FGD5: variants seen among roughly 807,000 people sequenced by gnomAD.
FGD5 encodes FYVE, RhoGEF and PH domain containing 5, also known as FYVE, RhoGEF and PH domain-containing protein 5.
Under a neutral mutation model 133.4 loss-of-function variants are expected in FGD5, and 28 were observed. The observed-to-expected ratio is 0.21, with a 90% CI of 0.16 to 0.29. FGD5 has a LOEUF of 0.29. FGD5 is among the 10% of genes least tolerant of loss of function. The pLI is 1.00. For missense variants in FGD5, 1,858 were observed against 1,895.2 expected (o/e 0.98, Z 0.36); for synonymous variants, 810 against 776.5 (o/e 1.04, Z -0.72).
chr3:14,877,699 AG>A (rs2037746875), intron 2 of FGD5, among the ~76,000 whole-genome samples: 1 of 152,192 alleles, frequency 6.6e-6, no homozygotes. Context: ...CTGAGTGCAG[AG>A]GGGCAAGCCC....
rs61757393 is a variant in FGD5 at position 14,898,768 on chromosome 3, G to A, written c.3096G>A (p.Ala1032=). The A allele has an allele frequency of 6.9e-3, 10,977 of 1,587,592 alleles. 85 individuals are homozygous for A. Among genetic ancestry groups the A allele is most frequent in the South Asian group, 0.017 (1,478 of 86,688 alleles). Residue 1032 remains alanine (A), a synonymous_variant, in exon 7 of 20, where the codon GCG becomes GCA. Coordinates refer to ENST00000285046, the MANE Select transcript of FGD5 (RefSeq NM_152536.4). The stretch of plus-strand genomic sequence containing the variant: ...GTGTACAAGGAGGCAGCCAGACTGC[G>A]AAGCATCGGCTGCTGCGGGTGGTTC... ...EQSVQGGSQT[A]KHRLLRVVQR...
upstream of FGD5, among the ~76,000 whole-genome samples, chr3:14,815,568 A>C (rs1029767299): frequency 6.6e-6 from 1 of 152,166 alleles, no homozygotes; most frequent in Non-Finnish European, 1.5e-5. Context: ...TATTTAATGG[A>C]ATTAGACTAA....
chr3:14,845,296 C>T (rs1027480983), intron 1 of FGD5, among the ~76,000 whole-genome samples: 2 of 152,184 alleles, frequency 1.3e-5, no homozygotes, highest in African/African-American at 4.8e-5. Flanking sequence ...GCCACATCGA[C>T]CCCTAACTTA....
chr3:14,924,820 G>A (rs769876355), intron 17 of FGD5, among the ~76,000 whole-genome samples: 1 of 152,024 alleles, frequency 6.6e-6, no homozygotes, highest in Non-Finnish European at 1.5e-5. Context: ...TCACACATAC[G>A]GCCGGGCGCG....
chr3:14,904,145 C>T (rs2038293570), intron 9 of FGD5, among the ~76,000 whole-genome samples: 1 of 152,206 alleles, frequency 6.6e-6, no homozygotes, highest in African/African-American at 2.4e-5. Context: ...CACCTGGTGG[C>T]AGGTTTCTCC....
chr3:14,870,135 GAGGGAGCCCGA>G (rs2037577160), intron 2 of FGD5, among the ~76,000 whole-genome samples: 1 of 13,668 alleles, frequency 7.3e-5, no homozygotes, highest in African/African-American at 4.4e-4. Context: ...GGAATGGCAT[GAGGGAGCCCGA>G]ATGGCATGAG....
intron 4 of FGD5, among the ~76,000 whole-genome samples, chr3:14,883,129 TG>T (rs745791110): frequency 6.6e-6 from 1 of 152,152 alleles, no homozygotes; most frequent in Non-Finnish European, 1.5e-5. Context: ...GCTAACTCAG[TG>T]GCTGCCATGA....
intron 1 of FGD5, among the ~76,000 whole-genome samples, chr3:14,857,932 G>GA (rs564560618): frequency 1.2e-3 from 166 of 141,816 alleles, no homozygotes; most frequent in East Asian, 9.5e-3. Context: ...GATGAAACTG[G>GA]AAAAAAAAAA....
At chr3:14,887,488 C>T (rs2037946640) in intron 4 of FGD5, among the ~76,000 whole-genome samples, 2 of 151,752 alleles carry the variant, frequency 1.3e-5, no homozygotes, top group South Asian at 2.1e-4. Context: ...GTACCTTGAT[C>T]GTACCTGTAA....
chr3:14,898,651 G>A (rs977702714), intron 6 of FGD5, 88 bp from the exon 7 acceptor site: 5 of 1,055,054 alleles, frequency 4.7e-6, no homozygotes, highest in Non-Finnish European at 5.6e-6. Flanking sequence ...AAGAGGTGTG[G>A]ATGGGACAGT....
intron 11 of FGD5, among the ~76,000 whole-genome samples, chr3:14,915,616 A>C (rs1358373970): frequency 6.6e-6 from 1 of 151,830 alleles, no homozygotes; most frequent in Non-Finnish European, 1.5e-5. Context: ...ATCCTGGTTG[A>C]TGTTGGCGCC....
chr3:14,898,808 T>C lies in FGD5; in HGVS notation c.3136T>C (p.Tyr1046His). The change falls in exon 7 of 20, where the codon TAC becomes CAC. Residue 1046 changes from tyrosine to histidine, a missense_variant. Around this residue, in one of 3 missense-constraint regions of FGD5, gnomAD observed 1,824 missense variants for 1,848.9 expected, o/e 0.99. Transcript: ENST00000285046. ...LLRVVQRLFQ[Y>H]QVLLTDYLNN... ...GCGGGTGGTTCAACGCCTCTTCCAG[T>C]ACCAAGTGCTCCTCACAGGTGGGCC... 6.3e-7 allele frequency: 1 copy of C among 1,578,790 alleles called. No individual in the cohort carries two copies. The highest frequency in any genetic ancestry group is 8.6e-7 in the Non-Finnish European group (1 of 1,163,188).
chr3:14,880,530 A>G (rs1559491334), intron 2 of FGD5, 42 bp from the exon 3 acceptor site: 5 of 1,604,220 alleles, frequency 3.1e-6, no homozygotes, highest in Middle Eastern at 1.8e-4. Flanking sequence ...TCTAGAAACC[A>G]CTGATGCCTG....
In FGD5 at chr3:14,819,371, G is replaced by C; in HGVS notation, c.300G>C (p.Glu100Asp). 1.9e-6 allele frequency: 3 copies of C among 1,549,618 alleles called. No homozygotes were observed. The highest frequency in any genetic ancestry group is 2.6e-6 in the Non-Finnish European group (3 of 1,145,978). Residue 100 changes from glutamate to aspartate, a missense_variant, in exon 1 of 20, where the codon GAG becomes GAC. Around this residue, in one of 3 missense-constraint regions of FGD5, gnomAD observed 1,824 missense variants for 1,848.9 expected, o/e 0.99. Coordinates refer to ENST00000285046, the MANE Select transcript of FGD5 (RefSeq NM_152536.4). This position sits in a 1 kb window ranked among gnomAD's most constrained non-coding sequence, Gnocchi z 4.1. ...VSPESSAEEE[E>D]EREEGGEACG... ...CCGAGTCCTCTGCGGAAGAGGAAGA[G>C]GAGCGTGAAGAGGGAGGCGAGGCAT...
intron 10 of FGD5, among the ~76,000 whole-genome samples, chr3:14,910,554 A>T (rs2038428471): frequency 6.6e-6 from 1 of 152,164 alleles, no homozygotes; most frequent in South Asian, 2.1e-4. Flanking sequence ...GGAATTTTTA[A>T]TGTTAAGGAT....
intron 2 of FGD5, among the ~76,000 whole-genome samples, chr3:14,875,720 G>C (rs570196144): frequency 3.9e-5 from 6 of 152,282 alleles, no homozygotes; most frequent in Admixed American, 1.3e-4. Context: ...TCCAAGATGA[G>C]GGATGGGAAG....
chr3:14,864,029 T>C, intron 1 of FGD5, 99 bp from the exon 2 acceptor site: 5 of 1,523,508 alleles, frequency 3.3e-6, no homozygotes, highest in Non-Finnish European at 4.4e-6. Flanking sequence ...TCTTACTACT[T>C]GTTTTCTGTC....
chr3:14,833,705 G>A (rs1212154657), intron 1 of FGD5, among the ~76,000 whole-genome samples: 1 of 152,242 alleles, frequency 6.6e-6, no homozygotes, highest in Non-Finnish European at 1.5e-5. Flanking sequence ...GAGGTGACCA[G>A]AGGAAGATCC....
intron 1 of FGD5, among the ~76,000 whole-genome samples, chr3:14,851,374 A>G (rs1386496445): frequency 1.3e-5 from 2 of 152,224 alleles, no homozygotes; most frequent in Non-Finnish European, 2.9e-5. Flanking sequence ...TTGGGCTGAT[A>G]AGTGGCAGAA....
Sources: gnomAD v4.1 joint callset for allele counts (sites outside exome capture counted in the v4.1 genomes callset) on GRCh38, gnomAD v4.1.1 for gene constraint, gnomAD v4.1.1 regional missense constraint, Gnocchi (gnomAD v3.1) non-coding constraint, MANE v1.5 for transcripts, NCBI Gene and HGNC (gene_info 2026-07-23, HGNC 2026-07-21) for gene names.